NRXN3: variants seen among roughly 807,000 people sequenced by gnomAD.
The protein encoded by NRXN3 is neurexin 3.
A neutral mutation model predicts 137.6 loss-of-function variants in NRXN3; 32 were observed. That is an observed-to-expected ratio of 0.23 (90% confidence interval 0.18 to 0.31). The LOEUF (loss-of-function observed/expected upper bound fraction) is 0.31. Ranked by LOEUF, NRXN3 falls within the 10% of genes least tolerant of loss-of-function variation. The pLI, the probability that NRXN3 is intolerant of heterozygous loss-of-function variation, is 1.00. For synonymous variants in NRXN3, 798 were observed against 784.5 expected, an observed-to-expected ratio of 1.02 and a Z score of -0.29; for missense variants, 1,574 against 2,062.5, an observed-to-expected ratio of 0.76 and a Z score of 4.59.
chr14:79,393,249 A>G (rs1277556625), intron 15 of NRXN3, among the ~76,000 whole-genome samples: 1 of 152,162 alleles, frequency 6.6e-6, no homozygotes, highest in Non-Finnish European at 1.5e-5. Flanking sequence ...AGAGAAGAAC[A>G]CAGAAAGCAA....
chr14:79,822,807 C>A (rs1568366128), intron 20 of NRXN3, among the ~76,000 whole-genome samples: 3 of 151,530 alleles, frequency 2.0e-5, no homozygotes, highest in African/African-American at 7.3e-5. Flanking sequence ...AAATAGATTT[C>A]CAAACAAACA....
chr14:79,664,852 T>C (rs1274526586), intron 17 of NRXN3, among the ~76,000 whole-genome samples: 2 of 152,142 alleles, frequency 1.3e-5, no homozygotes, highest in African/African-American at 4.8e-5. Flanking sequence ...GTGAGAATAT[T>C]GCACTTCTCA....
chr14:79,237,343 C>A (rs1192542138), intron 15 of NRXN3, among the ~76,000 whole-genome samples: 1 of 151,944 alleles, frequency 6.6e-6, no homozygotes, highest in African/African-American at 2.4e-5. Flanking sequence ...GCAGATTTGG[C>A]GGTACAGGGG....
At chr14:79,101,269 T>C in intron 15 of NRXN3, among the ~76,000 whole-genome samples, 1 of 152,348 alleles carries the variant, frequency 6.6e-6, no homozygotes, top group Admixed American at 6.5e-5. Context: ...ACTTGTGGAA[T>C]GACTCTGAAA....
At chr14:78,336,248 G>T (rs1272546958) in intron 4 of NRXN3, among the ~76,000 whole-genome samples, 2 of 152,130 alleles carry the variant, frequency 1.3e-5, no homozygotes, top group Admixed American at 1.3e-4. Context: ...CTGGGACCTG[G>T]GTTCTTGGAA....
chr14:78,898,516 G>A (rs1207705117), intron 10 of NRXN3, among the ~76,000 whole-genome samples: 4 of 150,724 alleles, frequency 2.7e-5, no homozygotes, highest in East Asian at 2.0e-4. Flanking sequence ...AGATGCATAA[G>A]TTTCTTAAGT....
chr14:78,444,439 A>G (rs529194402), intron 4 of NRXN3, among the ~76,000 whole-genome samples: 83 of 152,246 alleles, frequency 5.5e-4, no homozygotes, highest in Non-Finnish European at 1.0e-3. Flanking sequence ...ATGAATCAAG[A>G]GGAGCATCTC....
intron 4 of NRXN3, among the ~76,000 whole-genome samples, chr14:78,501,864 A>G (rs2095882830): frequency 1.3e-5 from 2 of 152,194 alleles, no homozygotes; most frequent in African/African-American, 4.8e-5. Flanking sequence ...ACAAAGCGTT[A>G]TCACATATTA....
chr14:79,518,588 T>C (rs2097022774), intron 16 of NRXN3, among the ~76,000 whole-genome samples: 1 of 152,178 alleles, frequency 6.6e-6, no homozygotes. Context: ...CAGAATCTTC[T>C]TGTTAATAGT....
chr14:79,104,454 C>G lies in NRXN3; in HGVS notation c.3262+116313C>G, dbSNP rs554401608. Among the ~76,000 whole-genome samples the G allele has an allele frequency of 2.0e-5, 3 of 152,164 alleles. No homozygotes were observed. The South Asian group carries it at 6.2e-4, about 31-fold the overall frequency. On this transcript the variant is annotated intron_variant, in intron 15 of 20. Transcript: ENST00000335750. ...ACAGTGGACTTCCAGCCCACTCGTT[C>G]TCTTCTATGATAAAGACTATGACTC...
intron 4 of NRXN3, among the ~76,000 whole-genome samples, chr14:78,500,867 T>A (rs945278488): frequency 2.0e-5 from 3 of 152,180 alleles, no homozygotes; most frequent in East Asian, 3.9e-4. Context: ...GGGGTTACAA[T>A]AAGATACAGT....
At chr14:78,563,345 G>C (rs1209437602) in intron 4 of NRXN3, among the ~76,000 whole-genome samples, 1 of 152,222 alleles carries the variant, frequency 6.6e-6, no homozygotes, top group Non-Finnish European at 1.5e-5. Context: ...TTGGAGACAA[G>C]CTACCTTGAT....
At chr14:78,825,174 G>A (rs215514) in intron 10 of NRXN3, among the ~76,000 whole-genome samples, 128,782 of 141,804 alleles carry the variant, frequency 0.91, 59,228 homozygotes, top group Non-Finnish European at 0.99. Flanking sequence ...TCCAGCCTGC[G>A]TGACAGAGCG....
intron 2 of NRXN3, among the ~76,000 whole-genome samples, chr14:78,257,200 CAA>C (rs2153470871): frequency 6.6e-6 from 1 of 152,350 alleles, no homozygotes; most frequent in African/African-American, 2.4e-5. Flanking sequence ...TGTAAGAGAG[CAA>C]AGTCTCTGAA....
chr14:78,569,981 G>A (rs1316136875), intron 4 of NRXN3, among the ~76,000 whole-genome samples: 1 of 152,218 alleles, frequency 6.6e-6, no homozygotes, highest in Admixed American at 6.5e-5. Context: ...GAGAATAAGG[G>A]CCTGTTCTCC....
chr14:78,400,663 A>G (rs2091964471), intron 4 of NRXN3, among the ~76,000 whole-genome samples: 1 of 152,164 alleles, frequency 6.6e-6, no homozygotes. Context: ...AAACCTGACA[A>G]TTCTCTAAGT....
chr14:79,811,354 C>T (rs2099232004), intron 20 of NRXN3, among the ~76,000 whole-genome samples: 1 of 152,104 alleles, frequency 6.6e-6, no homozygotes, highest in Non-Finnish European at 1.5e-5. Flanking sequence ...CTGTGGACAT[C>T]AGTCATTTTA....
chr14:78,345,087 G>A (rs769755614), intron 4 of NRXN3, among the ~76,000 whole-genome samples: 3 of 152,158 alleles, frequency 2.0e-5, no homozygotes, highest in African/African-American at 2.4e-5. Context: ...TGGGATAAGG[G>A]AGGACATGCA....
intron 15 of NRXN3, among the ~76,000 whole-genome samples, chr14:79,438,335 T>C (rs908479790): frequency 6.6e-6 from 1 of 152,156 alleles, no homozygotes; most frequent in African/African-American, 2.4e-5. Context: ...AAAGTTCGGT[T>C]TGGATTTAGA....
Sources: gnomAD v4.1 joint callset for allele counts (sites outside exome capture counted in the v4.1 genomes callset) on GRCh38, gnomAD v4.1.1 for gene constraint, MANE v1.5 for transcripts, NCBI Gene and HGNC (gene_info 2026-07-23, HGNC 2026-07-21) for gene names.